Variants in USP24 observed in about 807,000 individuals in gnomAD.
The protein encoded by USP24 is ubiquitin carboxyl-terminal hydrolase 24.
Under a neutral mutation model 361.6 loss-of-function variants are expected in USP24, and 97 were observed. The ratio of observed to expected loss-of-function variants is 0.27; its 90% CI spans 0.23 to 0.32. The LOEUF (loss-of-function observed/expected upper bound fraction) is 0.32. Among genes scored for constraint, USP24 ranks in the 10% least tolerant of loss-of-function variants. The probability of loss-of-function intolerance (pLI) is 1.00; values close to 1 mark genes in which losing one functional copy is unlikely to be tolerated. For synonymous variants in USP24, 1,098 were observed against 1,124.6 expected, an observed-to-expected ratio of 0.98 and a Z score of 0.47; for missense variants, 2,353 against 3,165.6, an observed-to-expected ratio of 0.74 and a Z score of 6.16.
At chr1:55,083,121 A>T in intron 58 of USP24, 151 bp downstream of exon 58, 1 of 658,798 alleles carries the variant, frequency 1.5e-6, no homozygotes, top group Non-Finnish European at 2.4e-6. Flanking sequence ...AAGAAGTTGT[A>T]AAGATAATTT....
intron 32 of USP24, among the ~76,000 whole-genome samples, chr1:55,126,135 T>C (rs1167288845): frequency 6.6e-6 from 1 of 152,230 alleles, no homozygotes; most frequent in Non-Finnish European, 1.5e-5. Flanking sequence ...ACTTGACCTC[T>C]GGTATCTCTG....
chr1:55,086,673 T>G (rs571510264), intron 55 of USP24, among the ~76,000 whole-genome samples: 38 of 152,372 alleles, frequency 2.5e-4, no homozygotes, highest in African/African-American at 8.9e-4. Flanking sequence ...GTACTTACAT[T>G]GTTTTTAACT....
Position 55,122,468 on chromosome 1 carries a change from C to T in USP24, c.4277-962G>A, listed in dbSNP as rs991573774. 5.3e-5 allele frequency among the ~76,000 whole-genome samples: 8 copies of T among 152,140 alleles called. 1 individual carries two copies. In the Middle Eastern group the frequency reaches 0.01, roughly 194 times the overall value. ...TTTGCTTGGTGAACTGAGAAGCCAC[C>T]GGAAGGCTTTCAAAGAGGAGTGATG... On this transcript the variant is annotated intron_variant, in intron 36 of 67. Coordinates refer to ENST00000294383, the MANE Select transcript of USP24 (RefSeq NM_015306.3).
At chr1:55,188,790 C>G in intron 1 of USP24, among the ~76,000 whole-genome samples, 1 of 151,482 alleles carries the variant, frequency 6.6e-6, no homozygotes, top group Admixed American at 6.6e-5. Context: ...GAAACCCCGT[C>G]TCTACTAAAA....
At chr1:55,132,815 G>T in intron 30 of USP24, 115 bp from the exon 31 acceptor site, 1 of 1,046,086 alleles carries the variant, frequency 9.6e-7, no homozygotes, top group Non-Finnish European at 1.3e-6. Context: ...CCACACCAAT[G>T]CTATTTTCTA....
intron 1 of USP24, among the ~76,000 whole-genome samples, chr1:55,185,586 A>C (rs1258662883): frequency 6.6e-6 from 1 of 151,016 alleles, no homozygotes; most frequent in African/African-American, 2.5e-5. Context: ...TTTGAGACAG[A>C]GTCTTGCTCT....
intron 24 of USP24, among the ~76,000 whole-genome samples, chr1:55,139,786 A>G (rs962341708): frequency 3.9e-5 from 6 of 152,210 alleles, no homozygotes; most frequent in Non-Finnish European, 8.8e-5. Flanking sequence ...CTCTAAAAAC[A>G]GCTGGTTAAA....
intron 51 of USP24, among the ~76,000 whole-genome samples, chr1:55,094,345 A>C (rs1031647615): frequency 2.6e-5 from 4 of 152,208 alleles, no homozygotes; most frequent in Non-Finnish European, 4.4e-5. Flanking sequence ...AATTTAACAC[A>C]AATTTTTACT....
chr1:55,195,236 G>A lies in USP24; in HGVS notation c.325-17104C>T, dbSNP rs80229164. ...TTTGCCACTTTCCAAACCTTCTGCT[G>A]GAGCTACATACAAGGTCCTATCATG... On this transcript the variant is annotated intron_variant, in intron 1 of 67. Coordinates refer to ENST00000294383, the MANE Select transcript of USP24 (RefSeq NM_015306.3). Among the ~76,000 whole-genome samples the A allele has an allele frequency of 4.4e-3, 673 of 152,278 alleles. 2 individuals carry two copies. Among genetic ancestry groups the A allele is most frequent in the African/African-American group, 0.016 (651 of 41,564 alleles).
chr1:55,146,827 G>A, intron 19 of USP24, 102 bp downstream of exon 19: 2 of 1,406,208 alleles, frequency 1.4e-6, no homozygotes, highest in Non-Finnish European at 1.9e-6. Flanking sequence ...TACTATTTAT[G>A]CTTATATAAA....
intron 39 of USP24, among the ~76,000 whole-genome samples, chr1:55,108,544 T>C (rs1300913045): frequency 3.3e-5 from 5 of 152,216 alleles, no homozygotes; most frequent in Non-Finnish European, 7.3e-5. Flanking sequence ...GTGTATGAAG[T>C]GCTAGTATAG....
chr1:55,191,719 T>C (rs1644293752), intron 1 of USP24, among the ~76,000 whole-genome samples: 1 of 152,108 alleles, frequency 6.6e-6, no homozygotes, highest in African/African-American at 2.4e-5. Flanking sequence ...CTCAAACTCC[T>C]GACCTCGTGA....
chr1:55,211,774 TA>T (rs1221476918), intron 1 of USP24, among the ~76,000 whole-genome samples: 1 of 152,162 alleles, frequency 6.6e-6, no homozygotes, highest in Non-Finnish European at 1.5e-5. Flanking sequence ...ACTACAAATA[TA>T]AAAAAACTTA....
chr1:55,208,695 T>C (rs1569829502), intron 1 of USP24, among the ~76,000 whole-genome samples: 1 of 149,752 alleles, frequency 6.7e-6, no homozygotes, highest in African/African-American at 2.5e-5. Flanking sequence ...CCCAGCACTC[T>C]GGGAGGCAGA....
At chr1:55,082,306 C>A (rs183643938) in intron 58 of USP24, among the ~76,000 whole-genome samples, 2 of 152,282 alleles carry the variant, frequency 1.3e-5, no homozygotes, top group African/African-American at 4.8e-5. Context: ...GATGAAGCTG[C>A]TTAATTTTGA....
chr1:55,113,097 T>G (rs970052750), intron 38 of USP24, among the ~76,000 whole-genome samples: 2 of 152,182 alleles, frequency 1.3e-5, no homozygotes, highest in African/African-American at 4.8e-5. Flanking sequence ...CCCTGCTTTT[T>G]TTTGCTTTCC....
chr1:55,094,820 G>C (rs1305793969), intron 51 of USP24, among the ~76,000 whole-genome samples: 1 of 151,858 alleles, frequency 6.6e-6, no homozygotes. Context: ...GCAACATTGG[G>C]AGACCTTATC....
intron 46 of USP24, 137 bp downstream of exon 46, chr1:55,098,339 A>C (rs1645543995): frequency 1.1e-6 from 1 of 890,676 alleles, no homozygotes; most frequent in African/African-American, 1.7e-5. Flanking sequence ...AAAGAAATTT[A>C]AGTCACTAAA....
intron 64 of USP24, 107 bp from the exon 65 acceptor site, chr1:55,072,968 A>G: frequency 9.0e-7 from 1 of 1,109,662 alleles, no homozygotes; most frequent in Non-Finnish European, 1.3e-6. Flanking sequence ...TTGTCTTTAT[A>G]TTTGTGATTC....
Sources: gnomAD v4.1 joint callset for allele counts (sites outside exome capture counted in the v4.1 genomes callset) on GRCh38, gnomAD v4.1.1 for gene constraint, MANE v1.5 for transcripts, NCBI Gene and HGNC (gene_info 2026-07-23, HGNC 2026-07-21) for gene names.